Variants in TRIO observed in about 807,000 individuals in gnomAD.
TRIO encodes the protein triple functional domain protein.
TRIO carries 58 observed loss-of-function variants against 351.9 expected under a neutral mutation model. The observed-to-expected ratio is 0.16, with a 90% CI of 0.13 to 0.21. The LOEUF (loss-of-function observed/expected upper bound fraction) is 0.21, where lower values mean the gene tolerates loss of function less well. Ranked by LOEUF, TRIO falls within the 10% of genes least tolerant of loss-of-function variation. TRIO has a pLI of 1.00. For missense variants in TRIO, 3,201 were observed against 4,027.8 expected (o/e 0.79, Z 5.56); for synonymous variants, 1,758 against 1,595.7 (o/e 1.10, Z -2.42).
chr5:14,421,711 A>C (rs986775591), intron 34 of TRIO, among the ~76,000 whole-genome samples: 1 of 152,150 alleles, frequency 6.6e-6, no homozygotes, highest in East Asian at 1.9e-4. Flanking sequence ...GGCGTCTTCA[A>C]CCACAAGGAT....
chr5:14,509,486 A>G lies in TRIO; in HGVS notation c.*1064A>G. ...GTTGGTTTTGAGGACTGTAAAAGTGATTTCATACTCTGAATATAAAACTGG... is the reference window on the plus strand; with the variant it reads ...GTTGGTTTTGAGGACTGTAAAAGTGGTTTCATACTCTGAATATAAAACTGG... On this transcript the variant is annotated 3_prime_UTR_variant, in exon 57 of 57. Coordinates refer to ENST00000344204, the MANE Select transcript of TRIO (RefSeq NM_007118.4). 2.2e-6 allele frequency: 1 copy of G among 452,444 alleles called. No individual in the cohort carries two copies. The highest frequency in any genetic ancestry group is 1.6e-5 in the South Asian group (1 of 63,212). The allele number at this position is 452,444 out of a possible 1,614,324, so 28.0% of individuals were successfully genotyped here.
In TRIO at chr5:14,443,760, A is replaced by G. The variant is rs1260265383; in HGVS notation, c.5204-17259A>G. On this transcript the variant is annotated intron_variant, in intron 34 of 56. Transcript: ENST00000344204. Reference sequence around the variant, plus strand: ...GCCATTGTCAATAACTTACACAGACATGAGCCAGGAGAGTTTTACTGCTAA... The same window carrying G: ...GCCATTGTCAATAACTTACACAGACGTGAGCCAGGAGAGTTTTACTGCTAA... 3.3e-5 allele frequency among the ~76,000 whole-genome samples: 5 copies of G among 152,276 alleles called. No homozygotes were observed. The East Asian group carries it at 7.7e-4, about 23-fold the overall frequency.
chr5:14,423,541 G>A (rs1049374047), intron 34 of TRIO, among the ~76,000 whole-genome samples: 1 of 152,116 alleles, frequency 6.6e-6, no homozygotes, highest in African/African-American at 2.4e-5. Context: ...TTTGCCCTAC[G>A]CTGCCCTGCT....
chr5:14,504,738 G>A (rs1043880505), intron 55 of TRIO, 145 bp downstream of exon 55: 20 of 1,041,946 alleles, frequency 1.9e-5, no homozygotes, highest in African/African-American at 6.5e-5. Context: ...GTCAGAGCCC[G>A]CAGTTTTCAA....
intron 48 of TRIO, 169 bp from the exon 49 acceptor site, chr5:14,492,398 A>G: frequency 1.2e-6 from 1 of 812,836 alleles, no homozygotes; most frequent in Non-Finnish European, 1.9e-6. Context: ...AAATAGATGC[A>G]CACAGTTAGC....
At chr5:14,378,409 A>G (rs1745755369) in intron 20 of TRIO, among the ~76,000 whole-genome samples, 1 of 152,222 alleles carries the variant, frequency 6.6e-6, no homozygotes, top group Non-Finnish European at 1.5e-5. Context: ...TTATTTAAAA[A>G]TTATTGGGGA....
chr5:14,356,517 G>A (rs1188308092), intron 11 of TRIO, among the ~76,000 whole-genome samples: 1 of 152,206 alleles, frequency 6.6e-6, no homozygotes, highest in East Asian at 1.9e-4. Context: ...ACTCTCATAC[G>A]CTGCTGGTGG....
chr5:14,406,720 T>G, intron 33 of TRIO, 48 bp downstream of exon 33: 1 of 1,579,244 alleles, frequency 6.3e-7, no homozygotes, highest in South Asian at 1.1e-5. Context: ...GTGGCCAGTC[T>G]CTGGTCAAAG....
At chr5:14,219,705 G>C (rs1792469031) in intron 1 of TRIO, among the ~76,000 whole-genome samples, 1 of 152,162 alleles carries the variant, frequency 6.6e-6, no homozygotes, top group South Asian at 2.1e-4. Flanking sequence ...CTCAGCACCA[G>C]CTGAGGCATC....
chr5:14,494,752 C>G (rs986436165), intron 49 of TRIO, among the ~76,000 whole-genome samples: 9 of 151,884 alleles, frequency 5.9e-5, no homozygotes, highest in African/African-American at 1.9e-4. Context: ...TACAAAAATT[C>G]GCTGGGCATG....
Position 14,502,566 on chromosome 5 carries a change from G to C in TRIO, c.8333-13G>C. ...CGGGAAACAAGCTCAGGCAGGTGCT[G>C]TTCTTCTTGCAGGTCCAGGGATGGA... is the stretch of plus-strand genomic sequence containing the variant. On this transcript the variant is annotated splice_polypyrimidine_tract_variant and intron_variant, in intron 53 of 56. Transcript: ENST00000344204. The C allele has an allele frequency of 1.9e-6, 3 of 1,614,070 alleles. No individual in the cohort carries two copies. Among genetic ancestry groups the C allele is most frequent in the Non-Finnish European group, 1.7e-6 (2 of 1,179,964 alleles).
At chr5:14,153,540 G>C (rs1787948019) in intron 1 of TRIO, among the ~76,000 whole-genome samples, 1 of 152,168 alleles carries the variant, frequency 6.6e-6, no homozygotes, top group Non-Finnish European at 1.5e-5. Flanking sequence ...CCAAGGGCCT[G>C]TACTTTGCCA....
chr5:14,465,719 G>A, intron 37 of TRIO, 79 bp downstream of exon 37: 1 of 1,482,154 alleles, frequency 6.7e-7, no homozygotes, highest in South Asian at 1.2e-5. Flanking sequence ...CCTTGTCTTT[G>A]TATTGCTCTG....
intron 34 of TRIO, among the ~76,000 whole-genome samples, chr5:14,456,043 A>T (rs978419556): frequency 6.6e-6 from 1 of 152,228 alleles, no homozygotes; most frequent in African/African-American, 2.4e-5. Context: ...CGAGAATTCA[A>T]GCGCGGTGCG....
chr5:14,432,290 C>T (rs574269680), intron 34 of TRIO, among the ~76,000 whole-genome samples: 2 of 152,286 alleles, frequency 1.3e-5, no homozygotes, highest in African/African-American at 2.4e-5. Flanking sequence ...ATTTTCAAAG[C>T]AGCAGTCAGA....
At chr5:14,284,792 CAT>C (rs777661011) in intron 3 of TRIO, among the ~76,000 whole-genome samples, 2 of 152,192 alleles carry the variant, frequency 1.3e-5, no homozygotes, top group Admixed American at 6.6e-5. Context: ...ACAAATAAAA[CAT>C]ATTGCCACCG....
intron 7 of TRIO, among the ~76,000 whole-genome samples, chr5:14,302,447 A>T (rs964991856): frequency 2.0e-5 from 3 of 152,346 alleles, no homozygotes; most frequent in African/African-American, 7.2e-5. Context: ...TTGGTATTAA[A>T]TGCAATACAG....
In TRIO at chr5:14,476,858, T is replaced by G. The variant is rs764295451; in HGVS notation, c.6084-36T>G. ...TAAATCTAAAATTAGAAGGCCACAC[T>G]GGAAATAGTTCTAATATTTTCTCCT... On this transcript the variant is annotated intron_variant, in intron 40 of 56. Transcript: ENST00000344204. The G allele has an allele frequency of 2.6e-6, 4 of 1,560,338 alleles. No homozygotes were observed. In the East Asian group the frequency reaches 9.0e-5, roughly 35 times the overall value.
At chr5:14,349,012 T>C (rs971952841) in intron 11 of TRIO, among the ~76,000 whole-genome samples, 1 of 151,908 alleles carries the variant, frequency 6.6e-6, no homozygotes, top group African/African-American at 2.4e-5. Flanking sequence ...AGCATGTTTT[T>C]CTTGTGTGTT....
Sources: allele counts gnomAD v4.1 joint callset (sites outside exome capture counted in the v4.1 genomes callset), GRCh38; gene constraint gnomAD v4.1.1; transcripts MANE v1.5; gene names NCBI Gene and HGNC (gene_info 2026-07-23, HGNC 2026-07-21).